SDK1: variants seen among roughly 807,000 people sequenced by gnomAD.
The protein encoded by SDK1 is sidekick cell adhesion molecule 1.
Under a neutral mutation model 245.5 loss-of-function variants are expected in SDK1, and 157 were observed. The observed-to-expected ratio is 0.64, with a 90% CI of 0.56 to 0.73. The LOEUF is 0.73. Ranked by LOEUF, SDK1 falls within the 30% of genes least tolerant of loss-of-function variation. The probability of loss-of-function intolerance (pLI) is 0.00; values close to 1 mark genes in which losing one functional copy is unlikely to be tolerated. For synonymous variants in SDK1, 1,647 were observed against 1,278.5 expected (o/e 1.29, Z -6.15); for missense variants, 3,583 against 3,002.3 (o/e 1.19, Z -4.52).
At chr7:3,573,753 G>T (rs182888038) in intron 1 of SDK1, among the ~76,000 whole-genome samples, 1 of 152,092 alleles carries the variant, frequency 6.6e-6, no homozygotes, top group East Asian at 1.9e-4. Flanking sequence ...GGCTGATGTG[G>T]CCACATAACA....
intron 22 of SDK1, among the ~76,000 whole-genome samples, chr7:4,105,386 A>G (rs1352607980): frequency 6.6e-6 from 1 of 151,512 alleles, no homozygotes; most frequent in Non-Finnish European, 1.5e-5. Context: ...AGCTCACTGC[A>G]TCCTCCACCC....
At chr7:4,234,628 C>G (rs867732667) in intron 41 of SDK1, among the ~76,000 whole-genome samples, 1 of 152,202 alleles carries the variant, frequency 6.6e-6, no homozygotes, top group Non-Finnish European at 1.5e-5. Flanking sequence ...CCCCATGTGC[C>G]TGTGAGGGAC....
chr7:3,330,455 G>A (rs1780039155), intron 1 of SDK1, among the ~76,000 whole-genome samples: 2 of 152,128 alleles, frequency 1.3e-5, no homozygotes, highest in Admixed American at 6.5e-5. Flanking sequence ...AGGTAATTAG[G>A]ATTAGATAAA....
intron 1 of SDK1, among the ~76,000 whole-genome samples, chr7:3,533,248 A>T (rs1350660096): frequency 6.6e-6 from 1 of 152,184 alleles, no homozygotes; most frequent in Non-Finnish European, 1.5e-5. Flanking sequence ...CCTATTTCCA[A>T]CATGTGGTGA....
intron 28 of SDK1, among the ~76,000 whole-genome samples, chr7:4,144,622 C>T (rs1349770493): frequency 6.6e-6 from 1 of 151,998 alleles, no homozygotes; most frequent in Non-Finnish European, 1.5e-5. Context: ...CCTGTGAGCT[C>T]GGTCGTTCAT....
chr7:3,865,585 C>A (rs1029551938), intron 5 of SDK1, among the ~76,000 whole-genome samples: 1 of 152,058 alleles, frequency 6.6e-6, no homozygotes, highest in Non-Finnish European at 1.5e-5. Flanking sequence ...CACAGCTCAC[C>A]GCAGCTTCAA....
intron 28 of SDK1, among the ~76,000 whole-genome samples, chr7:4,137,503 C>G (rs1025360644): frequency 1.3e-5 from 2 of 152,184 alleles, no homozygotes; most frequent in African/African-American, 2.4e-5. Context: ...CAGTCCCTTT[C>G]TGGATTCTGA....
chr7:3,770,506 G>C (rs1354540430), intron 4 of SDK1, among the ~76,000 whole-genome samples: 1 of 152,200 alleles, frequency 6.6e-6, no homozygotes, highest in Non-Finnish European at 1.5e-5. Context: ...TATATGTTTA[G>C]TTTCCTAAGA....
chr7:3,578,970 A>C (rs1780396415), intron 1 of SDK1, among the ~76,000 whole-genome samples: 1 of 151,992 alleles, frequency 6.6e-6, no homozygotes, highest in East Asian at 1.9e-4. Context: ...GACAGGTGTA[A>C]GAAATTATAA....
chr7:3,735,943 A>G (rs1386126002), intron 4 of SDK1, among the ~76,000 whole-genome samples: 1 of 152,186 alleles, frequency 6.6e-6, no homozygotes, highest in Non-Finnish European at 1.5e-5. Context: ...CATTGGTGCA[A>G]CTTAGCATCT....
In SDK1 at chr7:3,577,438, C is replaced by T. The variant is rs1268992538; in HGVS notation, c.299-41642C>T. Among the ~76,000 whole-genome samples the T allele has an allele frequency of 3.2e-4, 48 of 151,990 alleles. 1 individual carries two copies. The highest frequency in any genetic ancestry group is 1.5e-5 in the Non-Finnish European group (1 of 67,962). On this transcript the variant is annotated intron_variant, in intron 1 of 44. Coordinates refer to ENST00000404826, the MANE Select transcript of SDK1 (RefSeq NM_152744.4). ...GCAGGTCTTCACTGAGACGTGCTCC[C>T]TTTACTGTTGCCCCTGGACTTCATG...
At chr7:4,218,386 C>G (rs1784955054) in intron 38 of SDK1, among the ~76,000 whole-genome samples, 1 of 151,304 alleles carries the variant, frequency 6.6e-6, no homozygotes, top group African/African-American at 2.4e-5. Flanking sequence ...GAGCGAGACT[C>G]CGTCTCAAAA....
chr7:3,530,644 A>G (rs1244306756), intron 1 of SDK1, among the ~76,000 whole-genome samples: 5 of 152,352 alleles, frequency 3.3e-5, no homozygotes, highest in East Asian at 1.9e-4. Context: ...ATAGATAGGC[A>G]TGTGAAATAT....
intron 4 of SDK1, among the ~76,000 whole-genome samples, chr7:3,783,571 A>C (rs1780814098): frequency 6.6e-6 from 1 of 152,206 alleles, no homozygotes; most frequent in Non-Finnish European, 1.5e-5. Flanking sequence ...CTATATGCAA[A>C]CAATGAACTA....
chr7:3,461,045 T>C (rs569576896), intron 1 of SDK1, among the ~76,000 whole-genome samples: 161 of 152,344 alleles, frequency 1.1e-3, no homozygotes, highest in East Asian at 2.7e-3. Context: ...AACGGGATTT[T>C]ACACATTTTC....
At chr7:3,463,914 G>A (rs957119519) in intron 1 of SDK1, among the ~76,000 whole-genome samples, 3 of 152,164 alleles carry the variant, frequency 2.0e-5, no homozygotes, top group African/African-American at 4.8e-5. Context: ...CTTTTGTTCT[G>A]CCTTAGGCAT....
chr7:4,218,779 A>G lies in SDK1; in HGVS notation c.5540-1330A>G, dbSNP rs79085882. Among the ~76,000 whole-genome samples the G allele has an allele frequency of 7.6e-3, 1,163 of 152,316 alleles. 13 individuals carry two copies. The highest frequency in any genetic ancestry group is 0.027 in the African/African-American group (1,113 of 41,578). ...GCTCCTTGGAAAATGAGCTCTGCCA[A>G]TCGGTCCATCCTGGAAGTACCACAC... On this transcript the variant is annotated intron_variant, in intron 38 of 44. Transcript: ENST00000404826.
At chr7:3,669,180 A>G (rs1488828574) in intron 4 of SDK1, among the ~76,000 whole-genome samples, 1 of 152,232 alleles carries the variant, frequency 6.6e-6, no homozygotes, top group Non-Finnish European at 1.5e-5. Flanking sequence ...AATGTTGAAT[A>G]TTTTGAAAAG....
intron 33 of SDK1, among the ~76,000 whole-genome samples, chr7:4,174,832 C>T (rs1782089433): frequency 6.6e-6 from 1 of 152,140 alleles, no homozygotes; most frequent in Admixed American, 6.5e-5. Flanking sequence ...GACGAGGGCC[C>T]AGCTGCCTTC....
Sources: gnomAD v4.1 joint callset for allele counts (sites outside exome capture counted in the v4.1 genomes callset) on GRCh38, gnomAD v4.1.1 for gene constraint, MANE v1.5 for transcripts, NCBI Gene and HGNC (gene_info 2026-07-23, HGNC 2026-07-21) for gene names.